Variants in RSPO1 observed in about 807,000 individuals in gnomAD.
RSPO1 encodes the protein R-spondin 1.
A neutral mutation model predicts 26.0 loss-of-function variants in RSPO1; 18 were observed. The ratio of observed to expected loss-of-function variants is 0.69; its 90% CI spans 0.48 to 1.03. RSPO1 has a LOEUF of 1.03. Ranked by LOEUF, RSPO1 falls within the 50% of genes least tolerant of loss-of-function variation. The pLI is 0.00. For missense variants in RSPO1, 309 were observed against 352.3 expected (o/e 0.88, Z 0.98); for synonymous variants, 133 against 137.4 (o/e 0.97, Z 0.22).
At chr1:37,632,152 G>A (rs1006122866) in intron 2 of RSPO1, 135 bp downstream of exon 2, 1 of 152,192 alleles carries the variant, frequency 6.6e-6, no homozygotes, top group Non-Finnish European at 1.5e-5. Context: ...GTGCCAACCT[G>A]TCATGGTGCC....
intron 3 of RSPO1, among the ~76,000 whole-genome samples, chr1:37,624,467 A>ATCCCCCCCCACCCCCCCCCCC (rs1644248582): frequency 8.4e-6 from 1 of 119,734 alleles, no homozygotes; most frequent in African/African-American, 3.2e-5. Context: ...ACAAACCACC[A>ATCCCCCCCCACCCCCCCCCCC]TCCCCCCCAA....
intron 3 of RSPO1, among the ~76,000 whole-genome samples, chr1:37,627,081 A>C (rs1231592397): frequency 6.6e-6 from 1 of 152,160 alleles, no homozygotes; most frequent in Non-Finnish European, 1.5e-5. Context: ...ATGGCTTCAA[A>C]ACTAGTGTAT....
Position 37,612,620 on chromosome 1 carries a change from T to C in RSPO1, c.*135A>G. The C allele has an allele frequency of 1.1e-6, 1 of 919,984 alleles. No individual in the cohort carries two copies. The highest frequency in any genetic ancestry group is 1.4e-5 in the South Asian group (1 of 72,486). 57.0% of individuals were successfully genotyped at this position (919,984 alleles called of 1,614,324 possible). On this transcript the variant is annotated 3_prime_UTR_variant, in exon 7 of 7. Transcript: ENST00000356545. ...GGACAGGGGTTTGAGCGTGTGTGTC[T>C]TGTGTCTATGTATGCATGGATGGAT... is the stretch of plus-strand genomic sequence containing the variant.
At chr1:37,625,111 CT>C (rs1257134028) in intron 3 of RSPO1, among the ~76,000 whole-genome samples, 2 of 152,232 alleles carry the variant, frequency 1.3e-5, no homozygotes, top group Non-Finnish European at 2.9e-5. Context: ...TACCACACCC[CT>C]AGTACTTGAA....
Position 37,612,755 on chromosome 1 carries a change from C to T in RSPO1, c.792G>A (p.Ter264=), listed in dbSNP as rs779213780. Residue 264 remains the stop codon, a stop_retained_variant, in exon 7 of 7, where the codon TAG becomes TAA. Transcript: ENST00000356545. ...VGPLTSAGPA[*] is the part of the protein sequence containing the mutation. ...TGGGCCTGGAGGCTGGACAGTGTCC[C>T]TAGGCAGGCCCTGCAGATGTGAGTG... 9 of 1,609,896 alleles carry T rather than the reference C, an allele frequency of 5.6e-6. No homozygotes were observed. Among genetic ancestry groups the T allele is most frequent in the Non-Finnish European group, 7.6e-6 (9 of 1,179,946 alleles).
At position 37,634,661 on chromosome 1, in the gene RSPO1, C is replaced by T. The variant is rs974947848; in HGVS notation, c.-451G>A. On this transcript the variant is annotated 5_prime_UTR_variant, in exon 1 of 7. Coordinates refer to ENST00000356545, the MANE Select transcript of RSPO1 (RefSeq NM_001242908.2). This position sits in a 1 kb window ranked among gnomAD's most constrained non-coding sequence, Gnocchi z 4.7. ...GCGGGACTGTCCTGGGCGCCCGGCTCGCCTGCGCTCCGCCCGCCCGTTCCC... is the reference window on the plus strand; with the variant it reads ...GCGGGACTGTCCTGGGCGCCCGGCTTGCCTGCGCTCCGCCCGCCCGTTCCC... 6 of 152,258 alleles carry T rather than the reference C, an allele frequency of 3.9e-5. No individual in the cohort carries two copies. Among genetic ancestry groups the T allele is most frequent in the African/African-American group, 9.7e-5 (4 of 41,450 alleles). 9.4% of individuals were successfully genotyped at this position (152,258 alleles called of 1,614,324 possible).
In RSPO1 at chr1:37,613,747, C is replaced by T. The variant is rs1644062842; in HGVS notation, c.582G>A (p.Lys194=). Reference sequence around the variant, plus strand: ...TCCTCACTGTGCACCTCCGGGTCTCCTTGGTGTCAGAGCAGGCAGCATGGT... The same window carrying T: ...TCCTCACTGTGCACCTCCGGGTCTCTTTGGTGTCAGAGCAGGCAGCATGGT... ...VGDHAACSDT[K]ETRRCTVRRV... The change falls in exon 6 of 7, where the codon AAG becomes AAA. Residue 194 remains lysine, a synonymous_variant. Transcript: ENST00000356545. This position sits in a 1 kb window ranked among gnomAD's most constrained non-coding sequence, Gnocchi z 4.5. The T allele has an allele frequency of 6.2e-7, 1 of 1,613,918 alleles. No individual in the cohort carries two copies. The highest frequency in any genetic ancestry group is 1.3e-5 in the African/African-American group (1 of 75,038).
chr1:37,613,707 C>T lies in RSPO1; in HGVS notation c.622G>A (p.Glu208Lys), dbSNP rs1644061615. ...GGAGGCAGAGGCTGCAGCTCACCCT[C>T]AGGACACGGCACTCTCCTCACTGTG... The part of the protein sequence containing the change: ...RCTVRRVPCP[E>K]GQKRRKGGQG... The change falls in exon 6 of 7, where the codon GAG becomes AAG. Residue 208 changes from glutamate to lysine, a missense_variant. Transcript: ENST00000356545. This position sits in a 1 kb window ranked among gnomAD's most constrained non-coding sequence, Gnocchi z 4.5. 2 of 1,612,884 alleles carry T rather than the reference C, an allele frequency of 1.2e-6. No individual in the cohort carries two copies.
Position 37,613,657 on chromosome 1 carries a change from G to T in RSPO1, c.625+47C>A, listed in dbSNP as rs555781888. On this transcript the variant is annotated intron_variant, in intron 6 of 6. Transcript: ENST00000356545. This position sits in a 1 kb window ranked among gnomAD's most constrained non-coding sequence, Gnocchi z 4.5. ...AGCAGAGGTGGCAGGACCTGTCATG[G>T]CTGGTGCCTGAGCCCTGACCCCAGG... 4.3e-5 allele frequency: 66 copies of T among 1,529,480 alleles called. 1 individual carries two copies. In the South Asian group the frequency reaches 7.5e-4, roughly 17 times the overall value. The allele number at this position is 1,529,480 out of a possible 1,614,324, so 94.7% of individuals were successfully genotyped here.
chr1:37,618,097 A>G (rs1338715292), intron 3 of RSPO1, among the ~76,000 whole-genome samples: 8 of 152,228 alleles, frequency 5.3e-5, no homozygotes, highest in African/African-American at 1.7e-4. Context: ...GGAGATGGGA[A>G]TGGGAGGGGA....
At chr1:37,627,065 T>C (rs571430047) in intron 3 of RSPO1, among the ~76,000 whole-genome samples, 24 of 152,286 alleles carry the variant, frequency 1.6e-4, no homozygotes, top group African/African-American at 5.3e-4. Flanking sequence ...GACTCCGAAA[T>C]CAGACATGGC....
At chr1:37,620,636 A>AATAATAATG (rs1166362008) in intron 3 of RSPO1, among the ~76,000 whole-genome samples, 1 of 135,898 alleles carries the variant, frequency 7.4e-6, no homozygotes, top group Non-Finnish European at 1.7e-5. Flanking sequence ...TCAAAATAAT[A>AATAATAATG]ATAATAATAA....
chr1:37,629,377 T>G (rs896403534), intron 3 of RSPO1, among the ~76,000 whole-genome samples, 191 bp downstream of exon 3: 2 of 152,144 alleles, frequency 1.3e-5, no homozygotes, highest in Non-Finnish European at 2.9e-5. Context: ...GTGGGTAATC[T>G]CAGCAAATTA....
Position 37,612,556 on chromosome 1 carries a change from C to T in RSPO1, c.*199G>A, listed in dbSNP as rs770634065. The stretch of plus-strand genomic sequence containing the variant: ...TGTGGTGTCTGTGTCTGCGTGTGTA[C>T]ATGAACACACATGTGCAAGTATGTA... On this transcript the variant is annotated 3_prime_UTR_variant, in exon 7 of 7. Transcript: ENST00000356545. 1 of 645,298 alleles carries T rather than the reference C, an allele frequency of 1.5e-6. No individual in the cohort carries two copies. Among genetic ancestry groups the T allele is most frequent in the East Asian group, 2.7e-5 (1 of 37,038 alleles). The allele number at this position is 645,298 out of a possible 1,614,324, so 40.0% of individuals were successfully genotyped here. A position where few individuals can be genotyped will look rare whatever the true frequency, so the allele number is the denominator to read the frequency against.
Position 37,613,630 on chromosome 1 carries a change from G to A in RSPO1, c.625+74C>T, listed in dbSNP as rs1644059970. On this transcript the variant is annotated intron_variant, in intron 6 of 6. Transcript: ENST00000356545. The surrounding 1 kb of genome is among the most constrained non-coding windows in gnomAD (Gnocchi z 4.5). ...AAGCTTCTTCCTGAGCCGTGGGCAG[G>A]AAGCAGAGGTGGCAGGACCTGTCAT... The A allele has an allele frequency of 7.6e-7, 1 of 1,322,784 alleles. No homozygotes were observed. Among genetic ancestry groups the A allele is most frequent in the Non-Finnish European group, 1.1e-6 (1 of 931,178 alleles). 81.9% of individuals were successfully genotyped at this position (1,322,784 alleles called of 1,614,324 possible).
At chr1:37,617,394 C>G (rs983615758) in intron 3 of RSPO1, among the ~76,000 whole-genome samples, 3 of 152,140 alleles carry the variant, frequency 2.0e-5, no homozygotes, top group African/African-American at 4.8e-5. Context: ...CGCGGTGACT[C>G]ACGCCTGTAA....
At position 37,611,460 on chromosome 1, in the gene RSPO1, T is replaced by G. The variant is rs1557427237; in HGVS notation, c.*1295A>C. On this transcript the variant is annotated 3_prime_UTR_variant, in exon 7 of 7. Coordinates refer to ENST00000356545, the MANE Select transcript of RSPO1 (RefSeq NM_001242908.2). ...CATCCTTTTGTAGTTATATATGTGT[T>G]TGTACAATTCCTTGGTGCATGCCTA... 1.3e-5 allele frequency: 2 copies of G among 152,230 alleles called. No individual in the cohort carries two copies. The highest frequency in any genetic ancestry group is 1.3e-4 in the Admixed American group (2 of 15,280). 9.4% of individuals were successfully genotyped at this position (152,230 alleles called of 1,614,324 possible).
At chr1:37,633,429 CA>C (rs1386783289) in intron 1 of RSPO1, among the ~76,000 whole-genome samples, 5 of 152,308 alleles carry the variant, frequency 3.3e-5, no homozygotes, top group African/African-American at 1.2e-4. Context: ...GAGGGGGACA[CA>C]GCTGGAGGTG....
chr1:37,612,856 C>G lies in RSPO1; in HGVS notation c.691G>C (p.Glu231Gln). 1 of 1,614,100 alleles carries G rather than the reference C, an allele frequency of 6.2e-7. No homozygotes were observed. Among genetic ancestry groups the G allele is most frequent in the Non-Finnish European group, 8.5e-7 (1 of 1,180,040 alleles). Residue 231 changes from glutamate (E) to glutamine (Q), a missense_variant, in exon 7 of 7, where the codon GAG becomes CAG. Transcript: ENST00000356545. The part of the protein sequence containing the change: ...ENANRNLARK[E>Q]SKEAGAGSRR... ...GAGCCAGCACCCGCCTCCTTGCTCTCCTTCCTGGCCAGGTTCCTGTTGGCA... is the reference window on the plus strand; with the variant it reads ...GAGCCAGCACCCGCCTCCTTGCTCTGCTTCCTGGCCAGGTTCCTGTTGGCA...
Sources: gnomAD v4.1 joint callset for allele counts (sites outside exome capture counted in the v4.1 genomes callset) on GRCh38, gnomAD v4.1.1 for gene constraint, Gnocchi (gnomAD v3.1) non-coding constraint, MANE v1.5 for transcripts, NCBI Gene and HGNC (gene_info 2026-07-23, HGNC 2026-07-21) for gene names.